The following PHACTR1 variants were observed in gnomAD, a reference collection of about 807,000 sequenced individuals.
The protein encoded by PHACTR1 is phosphatase and actin regulator 1, also known as RPEL repeat containing 1.
A neutral mutation model predicts 69.2 loss-of-function variants in PHACTR1; 16 were observed. That is an observed-to-expected ratio of 0.23 (90% CI 0.16 to 0.35). The LOEUF (loss-of-function observed/expected upper bound fraction) is 0.35, where lower values mean the gene tolerates loss of function less well. Ranked by LOEUF, PHACTR1 falls within the 10% of genes least tolerant of loss-of-function variation. PHACTR1 has a pLI of 1.00. For synonymous variants in PHACTR1, 312 were observed against 284.5 expected, an observed-to-expected ratio of 1.10 and a Z score of -0.97; for missense variants, 510 against 734.7, an observed-to-expected ratio of 0.69 and a Z score of 3.54.
At chr6:13,126,644 C>A (rs1328301145) in intron 5 of PHACTR1, among the ~76,000 whole-genome samples, 1 of 152,326 alleles carries the variant, frequency 6.6e-6, no homozygotes, top group South Asian at 2.1e-4. Context: ...TAAATATCCA[C>A]CATGTGTTAA....
intron 5 of PHACTR1, among the ~76,000 whole-genome samples, chr6:13,123,915 G>T (rs1408077939): frequency 6.6e-6 from 1 of 152,126 alleles, no homozygotes; most frequent in Non-Finnish European, 1.5e-5. Flanking sequence ...ATTTCAAATG[G>T]CAGGTTTGAA....
chr6:13,077,295 A>G (rs1810665592), intron 5 of PHACTR1, among the ~76,000 whole-genome samples: 1 of 152,104 alleles, frequency 6.6e-6, no homozygotes, highest in African/African-American at 2.4e-5. Flanking sequence ...ATTTGTGGAA[A>G]CTGAAACACA....
At position 13,077,943 on chromosome 6, in the gene PHACTR1, A is replaced by G. The variant is rs149444378; in HGVS notation, c.415+24414A>G. 2.6e-5 allele frequency among the ~76,000 whole-genome samples: 4 copies of G among 152,258 alleles called. No individual in the cohort carries two copies. In the East Asian group the frequency reaches 7.7e-4, roughly 29 times the overall value. ...CTGGGTGCTTTAACAGCCATGGATA[A>G]GAGTTGAATTAAGATGAGAAAAGAA... On this transcript the variant is annotated intron_variant, in intron 5 of 14. Coordinates refer to ENST00000332995, the MANE Select transcript of PHACTR1 (RefSeq NM_030948.6).
At chr6:13,225,511 A>G (rs561385553) in intron 8 of PHACTR1, among the ~76,000 whole-genome samples, 2 of 152,206 alleles carry the variant, frequency 1.3e-5, no homozygotes, top group Non-Finnish European at 2.9e-5. Flanking sequence ...CTGCCCATGT[A>G]TCTTTGAAAG....
At chr6:13,134,307 T>C (rs1230657204) in intron 5 of PHACTR1, among the ~76,000 whole-genome samples, 2 of 152,144 alleles carry the variant, frequency 1.3e-5, no homozygotes, top group African/African-American at 2.4e-5. Flanking sequence ...CAGCAGCTCA[T>C]TGAGAAGGGT....
intron 3 of PHACTR1, among the ~76,000 whole-genome samples, chr6:12,723,011 C>T (rs1328008901): frequency 1.3e-5 from 2 of 152,204 alleles, no homozygotes; most frequent in Non-Finnish European, 2.9e-5. Context: ...ACACACTCAA[C>T]TTCAGACTCT....
chr6:12,786,028 A>G (rs1258408548), intron 4 of PHACTR1, among the ~76,000 whole-genome samples: 2 of 152,218 alleles, frequency 1.3e-5, no homozygotes, highest in African/African-American at 2.4e-5. Context: ...GGGAAAATAA[A>G]AACTTCTTCC....
intron 4 of PHACTR1, among the ~76,000 whole-genome samples, chr6:13,015,731 C>T (rs1035871860): frequency 2.0e-5 from 3 of 152,160 alleles, no homozygotes; most frequent in Admixed American, 1.3e-4. Flanking sequence ...CTGGTAAATG[C>T]GGTATACCCC....
chr6:13,104,384 A>T (rs958371939), intron 5 of PHACTR1, among the ~76,000 whole-genome samples: 1 of 152,248 alleles, frequency 6.6e-6, no homozygotes, highest in Non-Finnish European at 1.5e-5. Flanking sequence ...TGAGGGGTAC[A>T]CATGGTGACT....
intron 4 of PHACTR1, among the ~76,000 whole-genome samples, chr6:12,889,156 G>A (rs1480948466): frequency 6.6e-6 from 1 of 152,148 alleles, no homozygotes; most frequent in Admixed American, 6.5e-5. Flanking sequence ...AGCCTTGGGA[G>A]GCTGAGGTGG....
At chr6:13,278,129 G>T (rs140320899) in intron 11 of PHACTR1, 139 bp from the exon 12 acceptor site, 5 of 719,788 alleles carry the variant, frequency 6.9e-6, no homozygotes, top group Non-Finnish European at 1.1e-5. Flanking sequence ...GAGAAGGGCA[G>T]CTGGGGGAGG....
At chr6:13,009,636 A>G (rs1437372204) in intron 4 of PHACTR1, among the ~76,000 whole-genome samples, 1 of 152,096 alleles carries the variant, frequency 6.6e-6, no homozygotes, top group African/African-American at 2.4e-5. Context: ...GGCAAGCAGA[A>G]AGCAGAACAA....
chr6:12,837,662 G>T (rs946290770), intron 4 of PHACTR1, among the ~76,000 whole-genome samples: 1 of 151,434 alleles, frequency 6.6e-6, no homozygotes, highest in Non-Finnish European at 1.5e-5. Context: ...CTACCCCAAC[G>T]TAGCTATGTG....
chr6:13,107,070 G>A (rs1816270904), intron 5 of PHACTR1, among the ~76,000 whole-genome samples: 1 of 151,408 alleles, frequency 6.6e-6, no homozygotes, highest in Non-Finnish European at 1.5e-5. Flanking sequence ...TATAAAATGA[G>A]TTAGGAGATG....
At chr6:13,253,585 G>A (rs1774785887) in intron 10 of PHACTR1, among the ~76,000 whole-genome samples, 1 of 152,216 alleles carries the variant, frequency 6.6e-6, no homozygotes, top group Non-Finnish European at 1.5e-5. Context: ...GCTTAGAGAA[G>A]TAAGGACAAT....
chr6:13,170,357 T>A (rs1760416572), intron 6 of PHACTR1, among the ~76,000 whole-genome samples: 1 of 152,166 alleles, frequency 6.6e-6, no homozygotes, highest in Non-Finnish European at 1.5e-5. Flanking sequence ...ATATCCACCA[T>A]GAAACCACCC....
At chr6:12,718,562 C>T in intron 2 of PHACTR1, 137 bp from the exon 3 acceptor site, 1 of 352,466 alleles carries the variant, frequency 2.8e-6, no homozygotes, top group Non-Finnish European at 5.1e-6. Context: ...TGGGGGGTGG[C>T]TTTAGAATTG....
chr6:12,958,694 T>C (rs1372530762), intron 4 of PHACTR1, among the ~76,000 whole-genome samples: 1 of 152,208 alleles, frequency 6.6e-6, no homozygotes, highest in Non-Finnish European at 1.5e-5. Context: ...CTAATTGTTA[T>C]TTCTTTTTTA....
intron 4 of PHACTR1, among the ~76,000 whole-genome samples, chr6:12,792,219 C>A (rs964717320): frequency 2.0e-5 from 3 of 151,732 alleles, no homozygotes; most frequent in Admixed American, 6.6e-5. Context: ...AATCCCACCA[C>A]TTTGGGAGGC....
Sources: allele counts gnomAD v4.1 joint callset (sites outside exome capture counted in the v4.1 genomes callset), GRCh38; gene constraint gnomAD v4.1.1; transcripts MANE v1.5; gene names NCBI Gene and HGNC (gene_info 2026-07-23, HGNC 2026-07-21).